The following FN3KRP variants were observed in gnomAD, a reference collection of about 807,000 sequenced individuals.
The protein encoded by FN3KRP is fructosamine 3 kinase related protein, also known as ketosamine-3-kinase.
In FN3KRP, 33 loss-of-function variants were observed where a neutral mutation model predicts 29.8. The observed-to-expected ratio is 1.11, with a 90% CI of 0.84 to 1.48. The LOEUF (loss-of-function observed/expected upper bound fraction) is 1.48. Ranked by LOEUF, FN3KRP falls within the 40% of genes most tolerant of loss-of-function variation. The probability of loss-of-function intolerance (pLI) is 0.00; values close to 1 mark genes in which losing one functional copy is unlikely to be tolerated. For missense variants in FN3KRP, 430 were observed against 402.6 expected (o/e 1.07, Z -0.58); for synonymous variants, 157 against 155.2 (o/e 1.01, Z -0.09).
At chr17:82,717,314 G>A (rs971493282) in intron 1 of FN3KRP, among the ~76,000 whole-genome samples, 2 of 152,188 alleles carry the variant, frequency 1.3e-5, no homozygotes, top group Non-Finnish European at 2.9e-5. Context: ...GACTCTGGAG[G>A]TGTCCATCCC....
intron 4 of FN3KRP, among the ~76,000 whole-genome samples, chr17:82,723,749 T>G (rs148073485): frequency 6.6e-6 from 1 of 151,804 alleles, no homozygotes; most frequent in Non-Finnish European, 1.5e-5. Context: ...TCCAGTCGTG[T>G]GTGTCTGTCT....
intron 1 of FN3KRP, chr17:82,718,514 C>T (rs1393082025): frequency 1.0e-6 from 1 of 1,001,272 alleles, no homozygotes; most frequent in Admixed American, 5.5e-5. Context: ...TCGGGTGAGT[C>T]TGTGTCCTGT....
intron 4 of FN3KRP, among the ~76,000 whole-genome samples, chr17:82,724,611 GAA>G (rs938003968): frequency 2.2e-5 from 3 of 137,164 alleles, no homozygotes; most frequent in Non-Finnish European, 4.8e-5. Flanking sequence ...TCTCAAAAAA[GAA>G]AAAAAAAAAG....
Position 82,716,846 on chromosome 17 carries a change from TACGACAC to T in FN3KRP, c.92_98del (p.Tyr31TrpfsTer8). The stretch of plus-strand genomic sequence containing the variant: ...CGGGTGCATCAGCCAGGGCCGGAGC[TACGACAC>T]GGATCAAGGACGAGTGTTCGTGAAA... On this transcript the variant is annotated frameshift_variant, in exon 1 of 6. Coordinates refer to ENST00000269373, the MANE Select transcript of FN3KRP (RefSeq NM_024619.4). LOFTEE classifies it high-confidence loss of function. 1 of 1,561,756 alleles carries T rather than the reference TACGACAC, an allele frequency of 6.4e-7. No individual in the cohort carries two copies. The highest frequency in any genetic ancestry group is 8.6e-7 in the Non-Finnish European group (1 of 1,158,738).
chr17:82,723,507 G>A (rs2046813242), intron 4 of FN3KRP, among the ~76,000 whole-genome samples: 1 of 151,386 alleles, frequency 6.6e-6, no homozygotes, highest in African/African-American at 2.4e-5. Flanking sequence ...GTGTGTGTGT[G>A]CATGTGTGTG....
chr17:82,720,165 CAAA>C, intron 2 of FN3KRP, 104 bp from the exon 3 acceptor site: 3 of 834,004 alleles, frequency 3.6e-6, no homozygotes, highest in Non-Finnish European at 3.8e-6. Flanking sequence ...GACTCCATCT[CAAA>C]AAAATAAAAA....
rs747338527 is a variant in FN3KRP at position 82,719,034 on chromosome 17, C to T, written c.270C>T (p.His90=). The T allele has an allele frequency of 1.8e-5, 29 of 1,613,520 alleles. No homozygotes were observed. In the South Asian group the frequency reaches 2.6e-4, roughly 15 times the overall value. Residue 90 remains histidine, a synonymous_variant, in exon 2 of 6, where the codon CAC becomes CAT. Coordinates refer to ENST00000269373, the MANE Select transcript of FN3KRP (RefSeq NM_024619.4). ...GCGGGAGCGTGCTGGTGATGGAGCA[C>T]ATGGACATGAGGCATCTGAGCAGGT... ...PGGGSVLVME[H]MDMRHLSSHA...
intron 3 of FN3KRP, among the ~76,000 whole-genome samples, chr17:82,722,095 A>T (rs1333691580): frequency 1.3e-5 from 2 of 151,090 alleles, no homozygotes; most frequent in Non-Finnish European, 2.9e-5. Flanking sequence ...TGGCCTCCCA[A>T]AGTGCTGGGA....
chr17:82,724,703 T>C (rs34416685), intron 4 of FN3KRP, among the ~76,000 whole-genome samples: 18,749 of 152,188 alleles, frequency 0.12, 1,401 homozygotes, highest in Admixed American at 0.19. Context: ...GTGTGCTGCA[T>C]GTGTGCCAAC....
chr17:82,726,408 C>T (rs1315930561), intron 4 of FN3KRP, 72 bp from the exon 5 acceptor site: 1 of 1,560,162 alleles, frequency 6.4e-7, no homozygotes, highest in Non-Finnish European at 8.7e-7. Context: ...CTTTGAGATG[C>T]TTGTGGGTAG....
At chr17:82,726,623 T>C (rs2046839535) in intron 5 of FN3KRP, 21 bp downstream of exon 5, 2 of 1,601,160 alleles carry the variant, frequency 1.2e-6, no homozygotes, top group Middle Eastern at 1.7e-4. Context: ...CCCCACTGCA[T>C]GCCCAGCACC....
intron 1 of FN3KRP, among the ~76,000 whole-genome samples, chr17:82,718,005 T>G (rs1168360163): frequency 3.1e-4 from 42 of 133,916 alleles, no homozygotes; most frequent in South Asian, 7.2e-4. Flanking sequence ...GGTGTGTGTC[T>G]CAGGAGAAAA....
chr17:82,726,879 T>TA lies in FN3KRP; in HGVS notation c.639dup (p.Leu214ThrfsTer21). 1 of 1,578,504 alleles carries TA rather than the reference T, an allele frequency of 6.3e-7. No homozygotes were observed. The highest frequency in any genetic ancestry group is 8.6e-7 in the Non-Finnish European group (1 of 1,162,522). On this transcript the variant is annotated frameshift_variant, in exon 6 of 6. Coordinates refer to ENST00000269373, the MANE Select transcript of FN3KRP (RefSeq NM_024619.4). LOFTEE classifies it high-confidence loss of function. ...CGTGACCTGGAGATCATCCCAGCCT[T>TA]ACTCCACGGGGACCTCTGGGGTGGA...
At position 82,716,846 on chromosome 17, in the gene FN3KRP, T is replaced by A; in HGVS notation, c.91T>A (p.Tyr31Asn). 6.4e-7 allele frequency: 1 copy of A among 1,561,756 alleles called. No individual in the cohort carries two copies. ...GGGCISQGRS[Y>N]DTDQGRVFVK... ...CGGGTGCATCAGCCAGGGCCGGAGC[T>A]ACGACACGGATCAAGGACGAGTGTT... Residue 31 changes from tyrosine (Y) to asparagine (N), a missense_variant, in exon 1 of 6, where the codon TAC becomes AAC. Transcript: ENST00000269373.
intron 2 of FN3KRP, among the ~76,000 whole-genome samples, chr17:82,719,404 T>A (rs999480220): frequency 3.3e-5 from 5 of 152,232 alleles, no homozygotes; most frequent in African/African-American, 1.2e-4. Flanking sequence ...CGGCAGGCAC[T>A]CTCTGCAACC....
intron 1 of FN3KRP, among the ~76,000 whole-genome samples, chr17:82,717,279 A>G (rs2046763565): frequency 6.6e-6 from 1 of 152,114 alleles, no homozygotes; most frequent in South Asian, 2.1e-4. Context: ...TAGCCGGGGA[A>G]GCTGCTTAAG....
At chr17:82,719,842 C>T (rs543592519) in intron 2 of FN3KRP, among the ~76,000 whole-genome samples, 1 of 152,270 alleles carries the variant, frequency 6.6e-6, no homozygotes, top group Admixed American at 6.5e-5. Flanking sequence ...CCTCTTGCTT[C>T]ACCAGAACCT....
In FN3KRP at chr17:82,719,866, A is replaced by C. The variant is rs541623648; in HGVS notation, c.294-406A>C. 5.3e-5 allele frequency among the ~76,000 whole-genome samples: 8 copies of C among 152,144 alleles called. No homozygotes were observed. The South Asian group carries it at 1.5e-3, about 28-fold the overall frequency. ...TCACCAGAACCTACTTTCTGTCCTC[A>C]AAATGTCCGACCTACTAGCCGGCTG... On this transcript the variant is annotated intron_variant, in intron 2 of 5. Transcript: ENST00000269373.
chr17:82,726,492 CAGG>C lies in FN3KRP; in HGVS notation c.486_488del (p.Glu162del). On this transcript the variant is annotated inframe_deletion, in exon 5 of 6. Coordinates refer to ENST00000269373, the MANE Select transcript of FN3KRP (RefSeq NM_024619.4). The stretch of plus-strand genomic sequence containing the variant: ...TGTTACTGTGCAGGTGAATGACTGG[CAGG>C]AGGACTGGGTCGTGTTCTATGCCCG... 6.2e-7 allele frequency: 1 copy of C among 1,613,838 alleles called. No individual in the cohort carries two copies. Among genetic ancestry groups the C allele is most frequent in the South Asian group, 1.1e-5 (1 of 91,048 alleles).
Sources: allele counts gnomAD v4.1 joint callset (sites outside exome capture counted in the v4.1 genomes callset), GRCh38; gene constraint gnomAD v4.1.1; transcripts MANE v1.5; gene names NCBI Gene and HGNC (gene_info 2026-07-23, HGNC 2026-07-21).